EPHA4: variants seen among roughly 807,000 people sequenced by gnomAD.
The protein encoded by EPHA4 is ephrin type-A receptor 4.
EPHA4 carries 19 observed loss-of-function variants against 108.3 expected under a neutral mutation model. That is an observed-to-expected ratio of 0.18 (90% CI 0.12 to 0.26). The LOEUF (loss-of-function observed/expected upper bound fraction) is 0.26, where lower values mean the gene tolerates loss of function less well. Ranked by LOEUF, EPHA4 falls within the 10% of genes least tolerant of loss-of-function variation. The probability of loss-of-function intolerance (pLI) is 1.00; values close to 1 mark genes in which losing one functional copy is unlikely to be tolerated. For missense variants in EPHA4, 917 were observed against 1,254.0 expected (o/e 0.73, Z 4.06); for synonymous variants, 449 against 455.5 (o/e 0.99, Z 0.18).
At chr2:221,470,574 AACCTCTGCTTTT>A in intron 5 of EPHA4, among the ~76,000 whole-genome samples, 1 of 147,860 alleles carries the variant, frequency 6.8e-6, no homozygotes, top group South Asian at 2.2e-4. Flanking sequence ...CACTTTAGGG[AACCTCTGCTTTT>A]CCCTAAAGTA....
chr2:221,426,652 G>A lies in EPHA4; in HGVS notation c.2691-33C>T, dbSNP rs201690541. On this transcript the variant is annotated intron_variant, in intron 15 of 17. Coordinates refer to ENST00000281821, the MANE Select transcript of EPHA4 (RefSeq NM_004438.5). ...GAGAACAAGAAAATATAAGCAGAAC[G>A]GAGCTACCAGTGAGACAAGAAGACT... 170 of 1,584,250 alleles carry A rather than the reference G, an allele frequency of 1.1e-4. 1 individual carries two copies. The East Asian group carries it at 2.3e-3, about 21-fold the overall frequency.
intron 1 of EPHA4, 91 bp downstream of exon 1, chr2:221,572,067 C>T (rs1694856629): frequency 6.5e-6 from 7 of 1,084,032 alleles, no homozygotes; most frequent in East Asian, 2.4e-5. Flanking sequence ...CTGGGCTCCC[C>T]CCGCACCACC....
intron 5 of EPHA4, among the ~76,000 whole-genome samples, chr2:221,462,001 T>TTTTA (rs1691159530): frequency 6.6e-6 from 1 of 150,800 alleles, no homozygotes; most frequent in African/African-American, 2.4e-5. Context: ...TTTTTTTTTT[T>TTTTA]ACATTCTTAC....
At chr2:221,469,933 TG>T (rs1423814420) in intron 5 of EPHA4, among the ~76,000 whole-genome samples, 2 of 152,190 alleles carry the variant, frequency 1.3e-5, no homozygotes, top group Non-Finnish European at 2.9e-5. Flanking sequence ...CTCCAAAACA[TG>T]TCATGGTGAC....
intron 3 of EPHA4, among the ~76,000 whole-genome samples, chr2:221,513,309 C>A (rs566412652): frequency 6.6e-6 from 1 of 152,136 alleles, no homozygotes; most frequent in African/African-American, 2.4e-5. Context: ...GGCCTGGGAA[C>A]GAATGAAATA....
At chr2:221,534,612 C>A (rs1170577049) in intron 3 of EPHA4, among the ~76,000 whole-genome samples, 1 of 152,218 alleles carries the variant, frequency 6.6e-6, no homozygotes, top group African/African-American at 2.4e-5. Flanking sequence ...CTGTGACTAT[C>A]CCTGGAACCC....
At chr2:221,462,450 A>G (rs537398176) in intron 5 of EPHA4, among the ~76,000 whole-genome samples, 15 of 152,078 alleles carry the variant, frequency 9.9e-5, no homozygotes, top group African/African-American at 3.6e-4. Context: ...CTTCTTTTTA[A>G]CCTACAAATC....
At position 221,569,408 on chromosome 2, in the gene EPHA4, C is replaced by G. The variant is rs575720078; in HGVS notation, c.92-623G>C. 22 of 152,216 alleles carry G rather than the reference C, an allele frequency of 1.4e-4. No individual in the cohort carries two copies. In the East Asian group the frequency reaches 4.2e-3, roughly 29 times the overall value. The allele number at this position is 152,216 out of a possible 1,614,324, so 9.4% of individuals were successfully genotyped here. A position where few individuals can be genotyped will look rare whatever the true frequency, so the allele number is the denominator to read the frequency against. On this transcript the variant is annotated intron_variant, in intron 1 of 17. Transcript: ENST00000281821. ...AATGCAAACGTACCGAAAGTATTCT[C>G]TCTTTCTCAAGATGTGTTGGGGGAC...
At chr2:221,476,915 A>T (rs1691669087) in intron 5 of EPHA4, among the ~76,000 whole-genome samples, 1 of 152,174 alleles carries the variant, frequency 6.6e-6, no homozygotes. Context: ...TATTAAATTT[A>T]TCATTACTTG....
intron 3 of EPHA4, among the ~76,000 whole-genome samples, chr2:221,521,666 A>G (rs564959990): frequency 6.6e-6 from 1 of 152,314 alleles, no homozygotes; most frequent in South Asian, 2.1e-4. Flanking sequence ...GAGAATATGG[A>G]ATTAAAAAAA....
intron 5 of EPHA4, among the ~76,000 whole-genome samples, chr2:221,462,719 T>G (rs1691186884): frequency 6.6e-6 from 1 of 152,202 alleles, no homozygotes; most frequent in African/African-American, 2.4e-5. Context: ...TAATTATAAA[T>G]GGAGTCTCTG....
intron 4 of EPHA4, 139 bp from the exon 5 acceptor site, chr2:221,482,829 G>T: frequency 1.5e-6 from 1 of 687,300 alleles, no homozygotes; most frequent in Non-Finnish European, 2.4e-6. Flanking sequence ...AATCAAGCCA[G>T]CATAAAAGAT....
At chr2:221,545,558 C>G (rs1693971126) in intron 3 of EPHA4, among the ~76,000 whole-genome samples, 1 of 152,198 alleles carries the variant, frequency 6.6e-6, no homozygotes, top group African/African-American at 2.4e-5. Context: ...CTACTTTCAG[C>G]AAGTATAAAT....
rs554737311 is a variant in EPHA4, at chr2:221,490,631, A to G, written c.980-7941T>C. ...CCTAAGGCTTCATTAATCATGTACA[A>G]CTTTTGGACTGTCAATAGCACTTCA... On this transcript the variant is annotated intron_variant, in intron 4 of 17. Transcript: ENST00000281821. 2.0e-5 allele frequency among the ~76,000 whole-genome samples: 3 copies of G among 152,274 alleles called. No individual in the cohort carries two copies. In the Middle Eastern group the frequency reaches 0.01, roughly 521 times the overall value.
chr2:221,543,565 C>A (rs1178929658), intron 3 of EPHA4, among the ~76,000 whole-genome samples: 2 of 152,190 alleles, frequency 1.3e-5, no homozygotes, highest in Non-Finnish European at 2.9e-5. Context: ...TTCGCTTCAA[C>A]ATGGCTCTAA....
At chr2:221,440,474 C>T (rs545103031) in intron 11 of EPHA4, among the ~76,000 whole-genome samples, 16 of 152,270 alleles carry the variant, frequency 1.1e-4, no homozygotes, top group South Asian at 6.2e-4. Flanking sequence ...GGGCTCTGGG[C>T]GGCCCTGAAG....
At chr2:221,455,015 G>T (rs1224318861) in intron 8 of EPHA4, among the ~76,000 whole-genome samples, 1 of 152,128 alleles carries the variant, frequency 6.6e-6, no homozygotes, top group Non-Finnish European at 1.5e-5. Context: ...GACCATTACT[G>T]TTAACCAAAA....
intron 3 of EPHA4, among the ~76,000 whole-genome samples, chr2:221,535,710 T>A (rs1243795020): frequency 1.3e-5 from 2 of 152,224 alleles, no homozygotes; most frequent in Admixed American, 6.5e-5. Flanking sequence ...CTTCTTCTTC[T>A]ATGCCTAAAG....
In EPHA4 at chr2:221,422,349, C is replaced by T. The variant is rs529663486; in HGVS notation, c.*820-1797G>A. On this transcript the variant is annotated intron_variant, in intron 17 of 17. Transcript: ENST00000281821. ...TAAAACGCTAGAGTGTATTCCACGT[C>T]CTGCGGACACACAAGGTTGGTAATG... 1.2e-4 allele frequency among the ~76,000 whole-genome samples: 19 copies of T among 152,302 alleles called. No individual in the cohort carries two copies. In the South Asian group the frequency reaches 1.7e-3, roughly 13 times the overall value.
Sources: allele counts gnomAD v4.1 joint callset (sites outside exome capture counted in the v4.1 genomes callset), GRCh38; gene constraint gnomAD v4.1.1; transcripts MANE v1.5; gene names NCBI Gene and HGNC (gene_info 2026-07-23, HGNC 2026-07-21).